Variants in DNAJC6 observed in about 807,000 individuals in gnomAD.
The protein encoded by DNAJC6 is auxilin.
DNAJC6 carries 34 observed loss-of-function variants against 110.0 expected under a neutral mutation model. The observed-to-expected ratio is 0.31, with a 90% CI of 0.24 to 0.41. The LOEUF is 0.41. Ranked by LOEUF, DNAJC6 falls within the 10% of genes least tolerant of loss-of-function variation. DNAJC6 has a pLI of 1.00. For synonymous variants in DNAJC6, 406 were observed against 437.2 expected (o/e 0.93, Z 0.89); for missense variants, 1,031 against 1,207.8 (o/e 0.85, Z 2.17).
chr1:65,394,013 A>G (rs758750887), intron 12 of DNAJC6, among the ~76,000 whole-genome samples: 1 of 152,194 alleles, frequency 6.6e-6, no homozygotes, highest in Non-Finnish European at 1.5e-5. Context: ...ATGCTATTTC[A>G]TCTGTACTTC....
At chr1:65,407,946 C>T (rs1024807478) in intron 16 of DNAJC6, among the ~76,000 whole-genome samples, 8 of 152,206 alleles carry the variant, frequency 5.3e-5, no homozygotes, top group Admixed American at 1.3e-4. Flanking sequence ...TAGCCAGGCA[C>T]TGTTCTAAGC....
chr1:65,345,396 C>T (rs559237370), intron 1 of DNAJC6, among the ~76,000 whole-genome samples: 72 of 152,166 alleles, frequency 4.7e-4, no homozygotes, highest in African/African-American at 1.7e-3. Context: ...ATTTAATCAT[C>T]GTATACATGG....
intron 1 of DNAJC6, among the ~76,000 whole-genome samples, chr1:65,267,695 AAGAG>A (rs1557489894): frequency 6.6e-6 from 1 of 151,938 alleles, no homozygotes; most frequent in East Asian, 1.9e-4. Flanking sequence ...GAGAGAGAGA[AAGAG>A]AGAGTCAATA....
chr1:65,401,846 G>T lies in DNAJC6; in HGVS notation c.2193G>T (p.Gln731His). Residue 731 changes from glutamine to histidine, a missense_variant, in exon 15 of 19, where the codon CAG becomes CAT. Coordinates refer to ENST00000371069, the MANE Select transcript of DNAJC6 (RefSeq NM_001256864.2). Reference sequence around the variant, plus strand: ...CTCCCACCCATCAAAGCAAACCCCAGACTCTGGATCCTTTTGCCGACCTTG... The same window carrying T: ...CTCCCACCCATCAAAGCAAACCCCATACTCTGGATCCTTTTGCCGACCTTG... ...HGTPTHQSKPQTLDPFADLGT... is the reference protein window; with the variant it reads ...HGTPTHQSKPHTLDPFADLGT... 1 of 1,613,778 alleles carries T rather than the reference G, an allele frequency of 6.2e-7. No homozygotes were observed. The highest frequency in any genetic ancestry group is 8.5e-7 in the Non-Finnish European group (1 of 1,179,944).
intron 1 of DNAJC6, among the ~76,000 whole-genome samples, chr1:65,283,142 G>C (rs1653905864): frequency 6.6e-6 from 1 of 152,048 alleles, no homozygotes; most frequent in African/African-American, 2.4e-5. Context: ...AGAACTTAAG[G>C]TTTCACCAGT....
chr1:65,311,217 T>TTTTTG (rs1467108698), intron 1 of DNAJC6, among the ~76,000 whole-genome samples: 1 of 102,510 alleles, frequency 9.8e-6, no homozygotes, highest in Non-Finnish European at 1.8e-5. Flanking sequence ...TCAGGACTGT[T>TTTTTG]TTTTTTTTTT....
At chr1:65,302,314 A>C (rs2101297595) in intron 1 of DNAJC6, among the ~76,000 whole-genome samples, 1 of 134,088 alleles carries the variant, frequency 7.5e-6, no homozygotes, top group African/African-American at 2.8e-5. Flanking sequence ...TATATGTTAC[A>C]GTATAACATT....
chr1:65,331,538 C>T (rs1361782504), intron 1 of DNAJC6, among the ~76,000 whole-genome samples: 1 of 152,252 alleles, frequency 6.6e-6, no homozygotes, highest in Non-Finnish European at 1.5e-5. Context: ...GTGAAGCTGC[C>T]ACCTGTTTAT....
rs1358439470 is a variant in DNAJC6 at position 65,309,805 on chromosome 1, G to A, written c.60G>A (p.Gln20=). The change falls in exon 1 of 19, where the codon CAG becomes CAA. Residue 20 remains glutamine, a synonymous_variant. Transcript: ENST00000371069. ...GCAACGATGGTTATGAATCTTTGCA[G>A]CTGGTGGACAGTAACGGGGACTTAA... ...KTSNDGYESL[Q]LVDSNGDLSA... is the part of the protein sequence containing the mutation. The A allele has an allele frequency of 1.3e-6, 2 of 1,549,820 alleles. No homozygotes were observed.
chr1:65,333,820 T>G (rs936608120), intron 1 of DNAJC6, among the ~76,000 whole-genome samples: 2 of 152,240 alleles, frequency 1.3e-5, no homozygotes, highest in African/African-American at 4.8e-5. Flanking sequence ...TATTGCCTTG[T>G]GTTTGATTAT....
chr1:65,314,713 C>A (rs955192095), intron 1 of DNAJC6, among the ~76,000 whole-genome samples: 4 of 152,290 alleles, frequency 2.6e-5, no homozygotes, highest in African/African-American at 9.6e-5. Flanking sequence ...GTCTTGGACT[C>A]CTGACCTCAG....
At chr1:65,289,265 G>A (rs867519005) in intron 1 of DNAJC6, among the ~76,000 whole-genome samples, 11 of 152,088 alleles carry the variant, frequency 7.2e-5, no homozygotes, top group African/African-American at 2.4e-4. Flanking sequence ...GCACGATCTC[G>A]GCTCACTGCA....
intron 1 of DNAJC6, among the ~76,000 whole-genome samples, chr1:65,344,941 T>C (rs1190041390): frequency 6.6e-6 from 1 of 151,976 alleles, no homozygotes; most frequent in Non-Finnish European, 1.5e-5. Flanking sequence ...CCAAAGAAAA[T>C]ATTTCCGAGT....
At chr1:65,322,088 G>T (rs1218000084) in intron 1 of DNAJC6, among the ~76,000 whole-genome samples, 1 of 152,184 alleles carries the variant, frequency 6.6e-6, no homozygotes, top group East Asian at 1.9e-4. Flanking sequence ...GCACACAGAG[G>T]CTGGGAAACT....
intron 4 of DNAJC6, among the ~76,000 whole-genome samples, chr1:65,377,767 T>C (rs1645780193): frequency 6.6e-6 from 1 of 152,232 alleles, no homozygotes; most frequent in African/African-American, 2.4e-5. Flanking sequence ...TGATTATTTA[T>C]TATCTGATTA....
chr1:65,358,678 C>T (rs997883108), intron 1 of DNAJC6, among the ~76,000 whole-genome samples: 1 of 152,130 alleles, frequency 6.6e-6, no homozygotes, highest in Non-Finnish European at 1.5e-5. Flanking sequence ...TTACATTTAG[C>T]CTTTGCCATG....
intron 4 of DNAJC6, among the ~76,000 whole-genome samples, chr1:65,378,829 A>G (rs187449610): frequency 6.6e-6 from 1 of 152,354 alleles, no homozygotes; most frequent in East Asian, 1.9e-4. Context: ...AGAGCCAAGC[A>G]ATATTCCTAT....
intron 17 of DNAJC6, among the ~76,000 whole-genome samples, chr1:65,410,168 G>C (rs3790436): frequency 0.48 from 73,474 of 151,958 alleles, 18,182 homozygotes; most frequent in East Asian, 0.75. Context: ...GATGTAATCT[G>C]TCTCTGTATT....
intron 1 of DNAJC6, among the ~76,000 whole-genome samples, chr1:65,268,529 G>C (rs540906399): frequency 9.8e-5 from 15 of 152,290 alleles, no homozygotes; most frequent in Non-Finnish European, 8.8e-5. Context: ...TGCAAGGTAG[G>C]TGGTATTTTA....
Sources: allele counts gnomAD v4.1 joint callset (sites outside exome capture counted in the v4.1 genomes callset), GRCh38; gene constraint gnomAD v4.1.1; transcripts MANE v1.5; gene names NCBI Gene and HGNC (gene_info 2026-07-23, HGNC 2026-07-21).